GALNT13: variants seen among roughly 807,000 people sequenced by gnomAD.
GALNT13 encodes the protein UDP-GalNAc:polypeptide N-acetylgalactosaminyltransferase 13.
In GALNT13, 28 loss-of-function variants were observed where a neutral mutation model predicts 64.2. The ratio of observed to expected loss-of-function variants is 0.44; its 90% CI spans 0.32 to 0.60. The LOEUF (loss-of-function observed/expected upper bound fraction) is 0.60. Ranked by LOEUF, GALNT13 falls within the 20% of genes least tolerant of loss-of-function variation. The probability of loss-of-function intolerance (pLI) is 0.05; values close to 1 mark genes in which losing one functional copy is unlikely to be tolerated. For missense variants in GALNT13, 577 were observed against 669.8 expected, an observed-to-expected ratio of 0.86 and a Z score of 1.53; for synonymous variants, 214 against 224.6, an observed-to-expected ratio of 0.95 and a Z score of 0.42.
chr2:153,850,408 A>G, the GALNT13 span, among the ~76,000 whole-genome samples: 1 of 152,152 alleles, frequency 6.6e-6, no homozygotes, highest in Admixed American at 6.5e-5. Context: ...TCTAAAAAAG[A>G]TCAAACTATT....
the GALNT13 span, among the ~76,000 whole-genome samples, chr2:153,760,199 A>T: frequency 7.2e-5 from 11 of 151,934 alleles, no homozygotes; most frequent in Non-Finnish European, 1.3e-4. Context: ...GTGAAGTTTC[A>T]TTGACTATGT....
chr2:153,755,077 G>T, the GALNT13 span, among the ~76,000 whole-genome samples: 1 of 152,108 alleles, frequency 6.6e-6, no homozygotes, highest in Non-Finnish European at 1.5e-5. Flanking sequence ...AGGGAAGAGT[G>T]GTGTCTGTAA....
At chr2:153,279,013 G>A in the GALNT13 span, among the ~76,000 whole-genome samples, 3 of 152,162 alleles carry the variant, frequency 2.0e-5, no homozygotes, top group Non-Finnish European at 2.9e-5. Context: ...CCATTTGCTT[G>A]AGTCATTTAT....
intron 3 of GALNT13, among the ~76,000 whole-genome samples, chr2:154,059,855 A>G (rs1037114168): frequency 2.6e-5 from 4 of 152,164 alleles, no homozygotes; most frequent in African/African-American, 7.2e-5. Context: ...TAAAGGTAAT[A>G]TTTACCAAGG....
At chr2:154,268,671 CAAAT>C (rs1166900578) in intron 8 of GALNT13, among the ~76,000 whole-genome samples, 1 of 151,666 alleles carries the variant, frequency 6.6e-6, no homozygotes, top group African/African-American at 2.4e-5. Flanking sequence ...CAAAGAGAAA[CAAAT>C]GAAGGAAAAA....
chr2:153,242,854 A>C, the GALNT13 span, among the ~76,000 whole-genome samples: 52,154 of 152,124 alleles, frequency 0.34, 9,150 homozygotes, highest in Middle Eastern at 0.51. Flanking sequence ...CTGGGAAAAA[A>C]TGTTTTCCTC....
At chr2:154,107,544 C>A (rs1574511549) in intron 3 of GALNT13, among the ~76,000 whole-genome samples, 1 of 139,628 alleles carries the variant, frequency 7.2e-6, no homozygotes, top group African/African-American at 2.7e-5. Flanking sequence ...GAGCCGAGAT[C>A]ATGGAACTGC....
chr2:154,235,498 A>T (rs557021173), intron 4 of GALNT13, among the ~76,000 whole-genome samples: 1 of 152,200 alleles, frequency 6.6e-6, no homozygotes, highest in African/African-American at 2.4e-5. Context: ...TCTCTCTCTG[A>T]ATATGAATGT....
At chr2:153,904,887 A>G (rs1688452484) in intron 2 of GALNT13, among the ~76,000 whole-genome samples, 1 of 151,890 alleles carries the variant, frequency 6.6e-6, no homozygotes, top group East Asian at 1.9e-4. Context: ...CAGTTGTTAT[A>G]GAATCATACT....
the GALNT13 span, among the ~76,000 whole-genome samples, chr2:153,428,583 A>G: frequency 7.9e-5 from 12 of 152,228 alleles, no homozygotes; most frequent in African/African-American, 1.9e-4. Context: ...TAAAAATACT[A>G]TATTATAAAG....
chr2:154,152,982 G>A (rs965568349), intron 4 of GALNT13, among the ~76,000 whole-genome samples: 22 of 152,160 alleles, frequency 1.4e-4, no homozygotes, highest in East Asian at 3.9e-4. Context: ...GAGGAGCTGC[G>A]TTCCTTTGGA....
intron 4 of GALNT13, among the ~76,000 whole-genome samples, chr2:154,227,048 C>T (rs1054112241): frequency 6.6e-6 from 1 of 152,088 alleles, no homozygotes; most frequent in Non-Finnish European, 1.5e-5. Context: ...TGCTCCACTT[C>T]ATCTAAAGAT....
chr2:153,866,788 T>C, the GALNT13 span, among the ~76,000 whole-genome samples: 1 of 152,240 alleles, frequency 6.6e-6, no homozygotes, highest in African/African-American at 2.4e-5. Flanking sequence ...TATTATTTAC[T>C]GATTGTGACA....
At chr2:154,019,602 CCACACA>C (rs67316542) in intron 3 of GALNT13, among the ~76,000 whole-genome samples, 19,009 of 126,294 alleles carry the variant, frequency 0.15, 1,600 homozygotes, top group East Asian at 0.38. Flanking sequence ...GAGTAAGACT[CCACACA>C]CACACACACA....
At chr2:154,055,325 G>T (rs1268261255) in intron 3 of GALNT13, among the ~76,000 whole-genome samples, 3 of 151,822 alleles carry the variant, frequency 2.0e-5, no homozygotes, top group South Asian at 2.1e-4. Flanking sequence ...AATCAGTATT[G>T]CTCATAAATT....
At chr2:154,003,230 G>A (rs1696029841) in intron 3 of GALNT13, among the ~76,000 whole-genome samples, 3 of 152,114 alleles carry the variant, frequency 2.0e-5, no homozygotes, top group Admixed American at 2.0e-4. Context: ...AGCCCTGTTG[G>A]CCCTCCCATT....
At chr2:153,395,694 A>G in the GALNT13 span, among the ~76,000 whole-genome samples, 1 of 152,132 alleles carries the variant, frequency 6.6e-6, no homozygotes, top group East Asian at 1.9e-4. Context: ...TGTTTGTCTT[A>G]GTTGAAAATT....
intron 3 of GALNT13, among the ~76,000 whole-genome samples, chr2:154,060,610 G>A (rs1700128779): frequency 6.6e-6 from 1 of 152,044 alleles, no homozygotes; most frequent in Non-Finnish European, 1.5e-5. Context: ...CCCGGCCTAG[G>A]GCTCCCAAAG....
chr2:154,355,915 G>A lies in GALNT13; in HGVS notation c.1157-40076G>A, dbSNP rs896263469. 3.3e-5 allele frequency among the ~76,000 whole-genome samples: 5 copies of A among 152,098 alleles called. No homozygotes were observed. In the East Asian group the frequency reaches 7.7e-4, roughly 24 times the overall value. On this transcript the variant is annotated intron_variant, in intron 9 of 12. Transcript: ENST00000392825. Reference sequence around the variant, plus strand: ...CTTAGTGACAGGAATCTCAGTCTGGGCCTTCTGACTTTCTTCCTGCCAGTA... The same window carrying A: ...CTTAGTGACAGGAATCTCAGTCTGGACCTTCTGACTTTCTTCCTGCCAGTA...
Sources: allele counts gnomAD v4.1 joint callset (sites outside exome capture counted in the v4.1 genomes callset), GRCh38; gene constraint gnomAD v4.1.1; transcripts MANE v1.5; gene names NCBI Gene and HGNC (gene_info 2026-07-23, HGNC 2026-07-21).